The following NCAPD3 variants were observed in gnomAD, a reference collection of about 807,000 sequenced individuals.
The protein encoded by NCAPD3 is condensin-2 complex subunit D3.
A neutral mutation model predicts 182.9 loss-of-function variants in NCAPD3; 105 were observed. The ratio of observed to expected loss-of-function variants is 0.57; its 90% CI spans 0.49 to 0.68. The LOEUF is 0.68. NCAPD3 is among the 30% of genes least tolerant of loss of function. The pLI, the probability that NCAPD3 is intolerant of heterozygous loss-of-function variation, is 0.00. For synonymous variants in NCAPD3, 815 were observed against 679.9 expected (o/e 1.20, Z -3.09); for missense variants, 1,944 against 1,837.0 (o/e 1.06, Z -1.07).
intron 16 of NCAPD3, among the ~76,000 whole-genome samples, chr11:134,192,194 C>T (rs990126203): frequency 1.3e-5 from 2 of 152,138 alleles, no homozygotes; most frequent in African/African-American, 2.4e-5. Flanking sequence ...TTCTTTCTAC[C>T]GCATGATGAT....
In NCAPD3 at chr11:134,151,103, GCACTCCA is replaced by G; in HGVS notation, c.*1834_*1840del. ...TAAAGCAAGGAGCTGCTGAGAAGGA[GCACTCCA>G]CTGTGTGCCTGGAGAATGGCTCTCA... On this transcript the variant is annotated 3_prime_UTR_variant, in exon 35 of 35. Coordinates refer to ENST00000534548, the MANE Select transcript of NCAPD3 (RefSeq NM_015261.3). 6.6e-6 allele frequency: 1 copy of G among 152,376 alleles called. No homozygotes were observed. The highest frequency in any genetic ancestry group is 1.9e-4 in the East Asian group (1 of 5,184). The allele number at this position is 152,376 out of a possible 1,614,324, so 9.4% of individuals were successfully genotyped here.
intron 14 of NCAPD3, 31 bp from the exon 15 acceptor site, chr11:134,194,181 A>G: frequency 6.2e-7 from 1 of 1,605,738 alleles, no homozygotes; most frequent in African/African-American, 1.3e-5. Context: ...ATGAACTGTT[A>G]ACTGCATAGC....
At chr11:134,171,590 T>C (rs1321976721) in intron 24 of NCAPD3, among the ~76,000 whole-genome samples, 1 of 152,178 alleles carries the variant, frequency 6.6e-6, no homozygotes, top group Non-Finnish European at 1.5e-5. Context: ...TATACCAGAA[T>C]TCTACCTGAG....
intron 27 of NCAPD3, among the ~76,000 whole-genome samples, chr11:134,162,833 G>A (rs922779214): frequency 6.6e-6 from 1 of 152,218 alleles, no homozygotes; most frequent in Non-Finnish European, 1.5e-5. Flanking sequence ...CTGCCCTCCA[G>A]CCACTTCTAG....
intron 19 of NCAPD3, among the ~76,000 whole-genome samples, chr11:134,183,937 A>G (rs1293061536): frequency 1.3e-5 from 2 of 152,248 alleles, no homozygotes; most frequent in Non-Finnish European, 2.9e-5. Flanking sequence ...TTTGTTTTCT[A>G]TAGCCATTAT....
chr11:134,198,440 A>C (rs1944681796), intron 13 of NCAPD3, among the ~76,000 whole-genome samples: 1 of 152,132 alleles, frequency 6.6e-6, no homozygotes, highest in African/African-American at 2.4e-5. Context: ...AACGTATCTG[A>C]TTGATGTCTG....
chr11:134,155,256 C>A (rs1275622561), intron 32 of NCAPD3, among the ~76,000 whole-genome samples: 2 of 152,170 alleles, frequency 1.3e-5, no homozygotes, highest in South Asian at 2.1e-4. Context: ...TTCCTGCCAG[C>A]TTTGAAGAGC....
At chr11:134,201,758 C>T (rs1016338325) in intron 13 of NCAPD3, among the ~76,000 whole-genome samples, 12 of 152,208 alleles carry the variant, frequency 7.9e-5, no homozygotes, top group African/African-American at 1.9e-4. Flanking sequence ...CCTGTTTAGA[C>T]GAAGTCTGGA....
rs1324830971 is a variant in NCAPD3, at chr11:134,159,923, G to C, written c.3836C>G (p.Ala1279Gly). ...CACAGGTGCCACCTCAGCACCTCCA[G>C]CCGTCCCGGCCACATCTGCATGTTT... ...LAKHADVAGT[A>G]GGAEVAPVAQ... Residue 1279 changes from alanine to glycine, a missense_variant, in exon 29 of 35, where the codon GCT (alanine) becomes GGT (glycine). Transcript: ENST00000534548. 1.2e-6 allele frequency: 2 copies of C among 1,613,552 alleles called. No individual in the cohort carries two copies. Among genetic ancestry groups the C allele is most frequent in the Non-Finnish European group, 1.7e-6 (2 of 1,180,008 alleles).
intron 24 of NCAPD3, among the ~76,000 whole-genome samples, chr11:134,172,042 G>A (rs1944018411): frequency 6.6e-6 from 1 of 152,184 alleles, no homozygotes; most frequent in Non-Finnish European, 1.5e-5. Context: ...GTGTGGACCA[G>A]ATAGTGTGTT....
intron 26 of NCAPD3, 32 bp downstream of exon 26, chr11:134,168,437 C>A: frequency 6.2e-7 from 1 of 1,612,300 alleles, no homozygotes; most frequent in Non-Finnish European, 8.5e-7. Context: ...TTTGCAAACA[C>A]ACACATTTTC....
intron 24 of NCAPD3, among the ~76,000 whole-genome samples, chr11:134,171,021 A>G (rs1340976477): frequency 6.6e-6 from 1 of 151,932 alleles, no homozygotes; most frequent in African/African-American, 2.4e-5. Flanking sequence ...AGAAATTAAC[A>G]TTCCAAGTAA....
intron 8 of NCAPD3, among the ~76,000 whole-genome samples, chr11:134,206,121 T>C (rs761096431): frequency 6.6e-6 from 1 of 152,156 alleles, no homozygotes; most frequent in Non-Finnish European, 1.5e-5. Context: ...CACTTATTGC[T>C]ACGGAGGTAA....
intron 27 of NCAPD3, among the ~76,000 whole-genome samples, chr11:134,165,447 G>A (rs1943747315): frequency 6.6e-6 from 1 of 150,744 alleles, no homozygotes; most frequent in Non-Finnish European, 1.5e-5. Flanking sequence ...GATGAGCTTA[G>A]GGGAGTGGCA....
intron 27 of NCAPD3, among the ~76,000 whole-genome samples, chr11:134,162,626 TATC>T (rs1243824071): frequency 1.3e-5 from 2 of 152,222 alleles, no homozygotes; most frequent in African/African-American, 4.8e-5. Context: ...TAAAAAGTCT[TATC>T]AGAGTTCCTG....
At chr11:134,201,074 G>A (rs1944738365) in intron 13 of NCAPD3, among the ~76,000 whole-genome samples, 1 of 151,058 alleles carries the variant, frequency 6.6e-6, no homozygotes, top group African/African-American at 2.4e-5. Flanking sequence ...CAACAGGCTG[G>A]AGTGCGGTGG....
intron 3 of NCAPD3, among the ~76,000 whole-genome samples, chr11:134,211,980 C>T (rs1937850281): frequency 6.6e-6 from 1 of 152,104 alleles, no homozygotes; most frequent in Non-Finnish European, 1.5e-5. Flanking sequence ...AACTATAAGT[C>T]CACAGATCCA....
intron 1 of NCAPD3, among the ~76,000 whole-genome samples, chr11:134,222,281 C>G (rs1432551853): frequency 6.6e-6 from 1 of 152,218 alleles, no homozygotes; most frequent in Non-Finnish European, 1.5e-5. Context: ...AAATACATCA[C>G]CTATTCACTC....
chr11:134,166,091 TGGG>T (rs1161991684), intron 27 of NCAPD3, among the ~76,000 whole-genome samples: 7 of 19,250 alleles, frequency 3.6e-4, no homozygotes, highest in African/African-American at 5.7e-4. Flanking sequence ...GAGATGAGCT[TGGG>T]GGAGGGGCAC....
Sources: allele counts gnomAD v4.1 joint callset (sites outside exome capture counted in the v4.1 genomes callset), GRCh38; gene constraint gnomAD v4.1.1; transcripts MANE v1.5; gene names NCBI Gene and HGNC (gene_info 2026-07-23, HGNC 2026-07-21).